The following RALGAPA2 variants were observed in gnomAD, a reference collection of about 807,000 sequenced individuals.
RALGAPA2 encodes the protein Ral GTPase activating protein catalytic subunit alpha 2, also known as ral GTPase-activating protein subunit alpha-2.
A neutral mutation model predicts 230.4 loss-of-function variants in RALGAPA2; 139 were observed. The observed-to-expected ratio is 0.60, with a 90% CI of 0.53 to 0.69. The LOEUF (loss-of-function observed/expected upper bound fraction) is 0.69. Ranked by LOEUF, RALGAPA2 falls within the 30% of genes least tolerant of loss-of-function variation. The probability of loss-of-function intolerance (pLI) is 0.00; values close to 1 mark genes in which losing one functional copy is unlikely to be tolerated. For missense variants in RALGAPA2, 2,163 were observed against 2,276.0 expected (o/e 0.95, Z 1.01); for synonymous variants, 847 against 837.8 (o/e 1.01, Z -0.19).
chr20:20,642,131 G>A (rs2067052742), intron 5 of RALGAPA2, among the ~76,000 whole-genome samples: 2 of 62,084 alleles, frequency 3.2e-5, no homozygotes, highest in Non-Finnish European at 6.3e-5. Flanking sequence ...GGGGAGGGGA[G>A]GGGAGGGGAG....
intron 38 of RALGAPA2, among the ~76,000 whole-genome samples, chr20:20,400,110 G>A (rs1408558005): frequency 1.3e-5 from 2 of 152,212 alleles, no homozygotes; most frequent in Admixed American, 6.5e-5. Context: ...CAGACCCCTT[G>A]GAATGGCTCT....
intron 35 of RALGAPA2, among the ~76,000 whole-genome samples, chr20:20,500,681 C>G (rs890590528): frequency 2.6e-5 from 4 of 152,210 alleles, no homozygotes; most frequent in African/African-American, 4.8e-5. Flanking sequence ...GATCTGTTCC[C>G]ATGAATCACG....
chr20:20,505,810 G>A (rs988097140), intron 33 of RALGAPA2, among the ~76,000 whole-genome samples: 23 of 152,222 alleles, frequency 1.5e-4, no homozygotes, highest in Admixed American at 4.6e-4. Flanking sequence ...GCTGGGGATG[G>A]GAACTGTCGC....
In RALGAPA2 at chr20:20,676,304, AT is replaced by A; in HGVS notation, c.218-17del. 2.0e-6 allele frequency: 3 copies of A among 1,520,306 alleles called. No homozygotes were observed. Among genetic ancestry groups the A allele is most frequent in the Non-Finnish European group, 1.8e-6 (2 of 1,103,252 alleles). 94.2% of individuals were successfully genotyped at this position (1,520,306 alleles called of 1,614,324 possible). ...TTATTATTCCCTGGAATATTAAAAA[AT>A]AATTAGTTATCATGACATCATTTAA... On this transcript the variant is annotated splice_polypyrimidine_tract_variant and intron_variant, in intron 2 of 39. Transcript: ENST00000202677.
chr20:20,448,990 A>G (rs935018018), intron 37 of RALGAPA2, among the ~76,000 whole-genome samples: 5 of 152,182 alleles, frequency 3.3e-5, no homozygotes, highest in African/African-American at 9.7e-5. Flanking sequence ...GAAAACCTGG[A>G]ATGCACATCT....
chr20:20,423,421 G>A (rs1026371465), intron 37 of RALGAPA2, among the ~76,000 whole-genome samples: 3 of 152,184 alleles, frequency 2.0e-5, no homozygotes, highest in African/African-American at 4.8e-5. Flanking sequence ...AACAGTCAAG[G>A]GATATGGAGG....
chr20:20,407,993 C>A (rs554220722), intron 38 of RALGAPA2, among the ~76,000 whole-genome samples: 1 of 152,304 alleles, frequency 6.6e-6, no homozygotes, highest in Admixed American at 6.5e-5. Flanking sequence ...GACAATCCAG[C>A]CTATCATAAA....
intron 37 of RALGAPA2, among the ~76,000 whole-genome samples, chr20:20,416,717 C>G (rs1033838401): frequency 6.6e-6 from 1 of 152,152 alleles, no homozygotes; most frequent in African/African-American, 2.4e-5. Context: ...TTTACTCATT[C>G]GGGCTATGTG....
Position 20,512,782 on chromosome 20 carries a change from A to T in RALGAPA2, c.4587T>A (p.His1529Gln), listed in dbSNP as rs777362874. 2 of 1,613,672 alleles carry T rather than the reference A, an allele frequency of 1.2e-6. No individual in the cohort carries two copies. The highest frequency in any genetic ancestry group is 3.3e-5 in the Admixed American group (2 of 60,014). The change falls in exon 32 of 40, where the codon CAT becomes CAA. Residue 1529 changes from histidine to glutamine, a missense_variant. Physicochemically the swap from His to Gln is conservative, Grantham distance 24. Coordinates refer to ENST00000202677, the MANE Select transcript of RALGAPA2 (RefSeq NM_020343.4). ...VLDKLLENIG[H>Q]TSPECLLPSQ... ...ACGGTAAAAGGCATTCAGGACTTGT[A>T]TGGCCAATGTTTTCAAGTAATTTGT... is the stretch of plus-strand genomic sequence containing the variant.
At chr20:20,638,982 C>G (rs942182058) in intron 7 of RALGAPA2, among the ~76,000 whole-genome samples, 1 of 152,184 alleles carries the variant, frequency 6.6e-6, no homozygotes, top group Non-Finnish European at 1.5e-5. Context: ...GAGAGAATCT[C>G]ATGAAGGAGG....
chr20:20,601,064 C>T (rs779810315), intron 16 of RALGAPA2, among the ~76,000 whole-genome samples: 1 of 151,716 alleles, frequency 6.6e-6, no homozygotes, highest in Non-Finnish European at 1.5e-5. Context: ...CACACCATTG[C>T]ATTTCAGCCT....
At position 20,526,122 on chromosome 20, in the gene RALGAPA2, A is replaced by C. The variant is rs971217458; in HGVS notation, c.3693+130T>G. 4 of 743,740 alleles carry C rather than the reference A, an allele frequency of 5.4e-6. No individual in the cohort carries two copies. In the African/African-American group the frequency reaches 7.1e-5, roughly 13 times the overall value. 46.1% of individuals were successfully genotyped at this position (743,740 alleles called of 1,614,324 possible). ...AGAAGAACCAGTCTAACTTAATCTTAAAACGAGTGACTTGTGGCAATTTAA... is the reference window on the plus strand; with the variant it reads ...AGAAGAACCAGTCTAACTTAATCTTCAAACGAGTGACTTGTGGCAATTTAA... On this transcript the variant is annotated intron_variant, in intron 28 of 39. Coordinates refer to ENST00000202677, the MANE Select transcript of RALGAPA2 (RefSeq NM_020343.4).
intron 28 of RALGAPA2, among the ~76,000 whole-genome samples, chr20:20,525,135 G>A (rs925819374): frequency 6.6e-6 from 1 of 152,232 alleles, no homozygotes; most frequent in Non-Finnish European, 1.5e-5. Context: ...AGGGAAGGCA[G>A]AGAAAAGAGT....
chr20:20,452,130 G>T (rs920456883), intron 37 of RALGAPA2, among the ~76,000 whole-genome samples: 51 of 152,152 alleles, frequency 3.4e-4, no homozygotes, highest in African/African-American at 1.1e-3. Flanking sequence ...ATGTAAAAAA[G>T]AAATTGAAAG....
chr20:20,593,292 C>T (rs1271374749), intron 16 of RALGAPA2, among the ~76,000 whole-genome samples: 1 of 152,172 alleles, frequency 6.6e-6, no homozygotes, highest in Non-Finnish European at 1.5e-5. Context: ...TATGTTAAAG[C>T]CTCATGTTTC....
intron 37 of RALGAPA2, among the ~76,000 whole-genome samples, chr20:20,461,655 T>C (rs1251311108): frequency 6.6e-6 from 1 of 152,194 alleles, no homozygotes; most frequent in Non-Finnish European, 1.5e-5. Flanking sequence ...AGAACAACTG[T>C]CAAAAGTTGC....
At chr20:20,711,223 T>C (rs1019621981) in intron 1 of RALGAPA2, among the ~76,000 whole-genome samples, 2 of 152,204 alleles carry the variant, frequency 1.3e-5, no homozygotes, top group Non-Finnish European at 2.9e-5. Flanking sequence ...AGAATATAAA[T>C]AGAAATAATC....
At chr20:20,482,836 G>C (rs1346529818) in intron 36 of RALGAPA2, among the ~76,000 whole-genome samples, 2 of 152,188 alleles carry the variant, frequency 1.3e-5, no homozygotes, top group African/African-American at 4.8e-5. Context: ...ACAGATAAGA[G>C]AAAAGGCTGA....
At chr20:20,583,277 G>A in intron 19 of RALGAPA2, 51 bp from the exon 20 acceptor site, 1 of 1,522,140 alleles carries the variant, frequency 6.6e-7, no homozygotes, top group East Asian at 2.3e-5. Context: ...CTGAAAATCA[G>A]AATGTTCACA....
Sources: gnomAD v4.1 joint callset for allele counts (sites outside exome capture counted in the v4.1 genomes callset) on GRCh38, gnomAD v4.1.1 for gene constraint, MANE v1.5 for transcripts, NCBI Gene and HGNC (gene_info 2026-07-23, HGNC 2026-07-21) for gene names.